Variants in ZNF831 observed in about 807,000 individuals in gnomAD.
ZNF831 encodes the protein zinc finger protein 831, also known as chromosome 20 open reading frame 174.
A neutral mutation model predicts 95.8 loss-of-function variants in ZNF831; 59 were observed. The observed-to-expected ratio is 0.62, with a 90% confidence interval of 0.50 to 0.77. ZNF831 has a LOEUF of 0.77. Among genes scored for constraint, ZNF831 ranks in the 30% least tolerant of loss-of-function variants. ZNF831 has a pLI of 0.00. For synonymous variants in ZNF831, 961 were observed against 925.5 expected, an observed-to-expected ratio of 1.04 and a Z score of -0.70; for missense variants, 2,205 against 2,164.0, an observed-to-expected ratio of 1.02 and a Z score of -0.38.
Position 59,254,590 on chromosome 20 carries a change from G to T in ZNF831, c.4881G>T (p.Val1627=), listed in dbSNP as rs370322720. Residue 1627 remains valine (V), a synonymous_variant, in exon 6 of 6, where the codon GTG becomes GTT. Coordinates refer to ENST00000371030, the MANE Select transcript of ZNF831 (RefSeq NM_178457.3). The surrounding 1 kb of genome is among the most constrained non-coding windows in gnomAD (Gnocchi z 4.5). ...GATTAATCACTCGGAAAGATTCTGTGGTTCCTTCTAAGCCAGAGCAGCCCA... is the reference window on the plus strand; with the variant it reads ...GATTAATCACTCGGAAAGATTCTGTTGTTCCTTCTAAGCCAGAGCAGCCCA... The part of the protein sequence containing the change: ...VSGLITRKDS[V]VPSKPEQPIE... 873 of 1,614,038 alleles carry T rather than the reference G, an allele frequency of 5.4e-4. 1 individual carries two copies. The highest frequency in any genetic ancestry group is 7.2e-4 in the Non-Finnish European group (846 of 1,180,026).
At chr20:59,185,490 G>A (rs952826426) in intron 1 of ZNF831, among the ~76,000 whole-genome samples, 63 of 152,188 alleles carry the variant, frequency 4.1e-4, no homozygotes, top group African/African-American at 1.4e-3. Flanking sequence ...AAAGTTTTTG[G>A]GGGGCACATG....
chr20:59,245,344 T>G (rs1987538543), intron 4 of ZNF831, among the ~76,000 whole-genome samples: 1 of 152,234 alleles, frequency 6.6e-6, no homozygotes, highest in African/African-American at 2.4e-5. Context: ...CTTCATTGTC[T>G]CAGTTGGCTG....
intron 3 of ZNF831, among the ~76,000 whole-genome samples, chr20:59,205,464 C>A (rs1324056232): frequency 2.0e-5 from 3 of 152,214 alleles, no homozygotes; most frequent in Middle Eastern, 3.2e-3. Flanking sequence ...GGCAATCATG[C>A]CCAGTTGAGG....
In ZNF831 at chr20:59,191,414, T is replaced by C; in HGVS notation, c.395T>C (p.Leu132Pro). 1 of 1,611,384 alleles carries C rather than the reference T, an allele frequency of 6.2e-7. No homozygotes were observed. Among genetic ancestry groups the C allele is most frequent in the South Asian group, 1.1e-5 (1 of 90,850 alleles). Residue 132 changes from leucine (L) to proline (P), a missense_variant, in exon 2 of 6, where the codon CTG becomes CCG. Transcript: ENST00000371030. ...CTGTCGCCGGGCCTGGGCCCCACGC[T>C]GGGCAGCCCAGGCAAGGTGCGGAAT... ...PVLSPGLGPT[L>P]GSPGKVRNAG... is the part of the protein sequence containing the mutation.
chr20:59,176,333 C>T (rs971726206), intron 1 of ZNF831, among the ~76,000 whole-genome samples: 1 of 152,112 alleles, frequency 6.6e-6, no homozygotes, highest in Non-Finnish European at 1.5e-5. Flanking sequence ...AAGGGATTGA[C>T]CAGAGAGGGA....
At chr20:59,129,877 C>T (rs1453884551) in intron 1 of ZNF831, among the ~76,000 whole-genome samples, 1 of 152,228 alleles carries the variant, frequency 6.6e-6, no homozygotes, top group Non-Finnish European at 1.5e-5. Context: ...CTCGTTCCTC[C>T]TTCTGGCTGA....
rs568003033 is a variant in ZNF831, at chr20:59,173,581, T to C, written c.-37+9374T>C. 2.0e-5 allele frequency among the ~76,000 whole-genome samples: 3 copies of C among 152,342 alleles called. No individual in the cohort carries two copies. In the East Asian group the frequency reaches 5.8e-4, roughly 29 times the overall value. The stretch of plus-strand genomic sequence containing the variant: ...AGGCACATGTTCTAAATTGGCACTT[T>C]GCCGCAATTGACCACAGGTGATGGC... On this transcript the variant is annotated intron_variant, in intron 1 of 5. Coordinates refer to ENST00000371030, the MANE Select transcript of ZNF831 (RefSeq NM_178457.3).
chr20:59,187,387 G>A (rs1348870375), intron 1 of ZNF831, among the ~76,000 whole-genome samples: 6 of 152,046 alleles, frequency 3.9e-5, no homozygotes, highest in Non-Finnish European at 8.8e-5. Flanking sequence ...GATGTGAGGG[G>A]GCAGCAAGAA....
At position 59,193,087 on chromosome 20, in the gene ZNF831, C is replaced by T. The variant is rs774460105; in HGVS notation, c.2068C>T (p.Pro690Ser). 5 of 1,599,274 alleles carry T rather than the reference C, an allele frequency of 3.1e-6. No homozygotes were observed. Among genetic ancestry groups the T allele is most frequent in the Non-Finnish European group, 8.5e-7 (1 of 1,172,760 alleles). The change falls in exon 2 of 6, where the codon CCA becomes TCA. Residue 690 changes from proline to serine, a missense_variant. Transcript: ENST00000371030. ...TGAGGACATATCCGCAGGGGCAACG[C>T]CAGAGCCTTGGGGAAATCCACCAGC... ...VHEDISAGAT[P>S]EPWGNPPALE...
intron 4 of ZNF831, among the ~76,000 whole-genome samples, chr20:59,232,918 C>T (rs561756611): frequency 6.6e-6 from 1 of 150,670 alleles, no homozygotes; most frequent in East Asian, 2.0e-4. Context: ...CTTGTAGTAT[C>T]AACTCATTTA....
At chr20:59,214,716 G>C (rs1409635356) in intron 4 of ZNF831, among the ~76,000 whole-genome samples, 1 of 152,232 alleles carries the variant, frequency 6.6e-6, no homozygotes, top group Admixed American at 6.5e-5. Flanking sequence ...CATATGAAGG[G>C]TGATGCCACC....
intron 3 of ZNF831, among the ~76,000 whole-genome samples, chr20:59,200,720 A>G (rs902450679): frequency 8.5e-5 from 13 of 152,148 alleles, no homozygotes; most frequent in Admixed American, 2.0e-4. Context: ...TTATAGAAAC[A>G]GAATCATACA....
chr20:59,196,976 G>A (rs753744001), intron 3 of ZNF831, among the ~76,000 whole-genome samples: 6 of 149,934 alleles, frequency 4.0e-5, no homozygotes, highest in East Asian at 2.0e-4. Context: ...TAGTAGAGAC[G>A]GGGTTTTGCC....
At chr20:59,248,177 A>G (rs1287758203) in intron 4 of ZNF831, among the ~76,000 whole-genome samples, 4 of 152,232 alleles carry the variant, frequency 2.6e-5, no homozygotes, top group African/African-American at 9.6e-5. Flanking sequence ...AGAGTCCCAT[A>G]ATTGTGTAAG....
intron 2 of ZNF831, among the ~76,000 whole-genome samples, chr20:59,157,699 A>C (rs984564596): frequency 1.3e-5 from 2 of 152,164 alleles, no homozygotes; most frequent in Non-Finnish European, 2.9e-5. Context: ...CTAATATACA[A>C]ATCTGTGTTT....
Position 59,190,996 on chromosome 20 carries a change from T to C in ZNF831, c.-24T>C, listed in dbSNP as rs2146541314. ...TTGTTGTCTGCAGGTTTTCCAGCAT[T>C]GTGGGCCATCCAGATGATGCGGAAT... On this transcript the variant is annotated 5_prime_UTR_variant, in exon 2 of 6. Coordinates refer to ENST00000371030, the MANE Select transcript of ZNF831 (RefSeq NM_178457.3). 6.8e-7 allele frequency: 1 copy of C among 1,470,076 alleles called. No homozygotes were observed. The allele number at this position is 1,470,076 out of a possible 1,614,324, so 91.1% of individuals were successfully genotyped here.
intron 1 of ZNF831, among the ~76,000 whole-genome samples, chr20:59,177,183 G>C (rs1982234264): frequency 2.6e-5 from 4 of 152,206 alleles, no homozygotes; most frequent in Admixed American, 2.6e-4. Flanking sequence ...AGTCACAGCA[G>C]TAATCAAGAC....
chr20:59,227,712 T>C (rs549036838), intron 4 of ZNF831, among the ~76,000 whole-genome samples: 1 of 152,362 alleles, frequency 6.6e-6, no homozygotes, highest in South Asian at 2.1e-4. Context: ...GTAATAAGAA[T>C]AGTAGTAGGA....
At chr20:59,139,489 A>G (rs1158303194) in intron 1 of ZNF831, among the ~76,000 whole-genome samples, 1 of 152,194 alleles carries the variant, frequency 6.6e-6, no homozygotes, top group Non-Finnish European at 1.5e-5. Context: ...ACAGTGTGCT[A>G]TTCAGGCCAT....
Sources: gnomAD v4.1 joint callset for allele counts (sites outside exome capture counted in the v4.1 genomes callset) on GRCh38, gnomAD v4.1.1 for gene constraint, Gnocchi (gnomAD v3.1) non-coding constraint, MANE v1.5 for transcripts, NCBI Gene and HGNC (gene_info 2026-07-23, HGNC 2026-07-21) for gene names.